The following CACNA1I variants were observed in gnomAD, a reference collection of about 807,000 sequenced individuals.
CACNA1I encodes the protein calcium voltage-gated channel subunit alpha1 I.
CACNA1I carries 74 observed loss-of-function variants against 201.6 expected under a neutral mutation model. The ratio of observed to expected loss-of-function variants is 0.37; its 90% CI spans 0.30 to 0.45. CACNA1I has a LOEUF of 0.45. Ranked by LOEUF, CACNA1I falls within the 20% of genes least tolerant of loss-of-function variation. The probability of loss-of-function intolerance (pLI) is 1.00; values close to 1 mark genes in which losing one functional copy is unlikely to be tolerated. For missense variants in CACNA1I, 2,346 were observed against 3,138.1 expected (o/e 0.75, Z 6.03); for synonymous variants, 1,431 against 1,345.2 (o/e 1.06, Z -1.40).
intron 1 of CACNA1I, among the ~76,000 whole-genome samples, chr22:39,578,912 C>T (rs1932455796): frequency 6.6e-6 from 1 of 152,180 alleles, no homozygotes. Flanking sequence ...TGGGCACCAC[C>T]TGTGATGCCC....
At chr22:39,664,678 G>GGCC in intron 20 of CACNA1I, 61 bp from the exon 21 acceptor site, 4 of 712,234 alleles carry the variant, frequency 5.6e-6, no homozygotes, top group South Asian at 3.2e-5. Flanking sequence ...AGCCCGGTTG[G>GGCC]CCCCGCCCAC....
At chr22:39,598,288 C>CGCCAT in intron 2 of CACNA1I, 26 bp downstream of exon 2, 1 of 1,215,222 alleles carries the variant, frequency 8.2e-7, no homozygotes, top group South Asian at 1.3e-5. Flanking sequence ...CGCCCCGCCC[C>CGCCAT]GCCCTGCCCT....
chr22:39,677,836 C>A lies in CACNA1I; in HGVS notation c.4934-151C>A. The stretch of plus-strand genomic sequence containing the variant: ...AGCCCCAGCTCATGTGCCATCTCCC[C>A]GAGCCTCAGTTTATCTGTGGGCTGG... On this transcript the variant is annotated intron_variant, in intron 30 of 36. Transcript: ENST00000402142. The surrounding 1 kb of genome is among the most constrained non-coding windows in gnomAD (Gnocchi z 4.8). 1 of 841,098 alleles carries A rather than the reference C, an allele frequency of 1.2e-6. No individual in the cohort carries two copies. Among genetic ancestry groups the A allele is most frequent in the Non-Finnish European group, 1.8e-6 (1 of 560,994 alleles). 52.1% of individuals were successfully genotyped at this position (841,098 alleles called of 1,614,324 possible). A position where few individuals can be genotyped will look rare whatever the true frequency, so the allele number is the denominator to read the frequency against.
At chr22:39,675,350 C>T (rs1601524706) in intron 29 of CACNA1I, among the ~76,000 whole-genome samples, 4 of 152,136 alleles carry the variant, frequency 2.6e-5, no homozygotes, top group South Asian at 4.1e-4. Context: ...GTGTGTGGCT[C>T]GGCCTCCCTG....
chr22:39,665,805 C>A lies in CACNA1I; in HGVS notation c.3979-76C>A. The A allele has an allele frequency of 6.3e-7, 1 of 1,594,878 alleles. No individual in the cohort carries two copies. Among genetic ancestry groups the A allele is most frequent in the Non-Finnish European group, 8.6e-7 (1 of 1,165,196 alleles). On this transcript the variant is annotated intron_variant, in intron 22 of 36. Transcript: ENST00000402142. This position sits in a 1 kb window ranked among gnomAD's most constrained non-coding sequence, Gnocchi z 5.5. ...CTGAGCACAAGACAGTCTGAGTAAA[C>A]GCGATCGAGAGGCGAGTTCCTCTCT...
rs1601526652 is a variant in CACNA1I at position 39,677,477 on chromosome 22, T to G, written c.4933+58T>G. ...GGTGCAGCAGGGCTGCAGGAGGAAC[T>G]GGGGGGGCGGGGGAGGCCTGAGACC... On this transcript the variant is annotated intron_variant, in intron 30 of 36. Transcript: ENST00000402142. This position sits in a 1 kb window ranked among gnomAD's most constrained non-coding sequence, Gnocchi z 4.8. 25 of 921,226 alleles carry G rather than the reference T, an allele frequency of 2.7e-5. No homozygotes were observed. The highest frequency in any genetic ancestry group is 3.7e-5 in the Non-Finnish European group (23 of 616,238). 57.1% of individuals were successfully genotyped at this position (921,226 alleles called of 1,614,324 possible).
chr22:39,660,143 C>T (rs1934957766), intron 14 of CACNA1I, among the ~76,000 whole-genome samples: 1 of 152,210 alleles, frequency 6.6e-6, no homozygotes, highest in African/African-American at 2.4e-5. Context: ...CCTCCGTTCT[C>T]TGAGGCTCTG....
chr22:39,615,026 C>T (rs1022045483), intron 3 of CACNA1I, among the ~76,000 whole-genome samples: 11 of 152,180 alleles, frequency 7.2e-5, no homozygotes, highest in South Asian at 2.1e-4. Flanking sequence ...ATTTCTCACT[C>T]CTGTAAGCGA....
chr22:39,604,238 G>C (rs181515228), intron 3 of CACNA1I, among the ~76,000 whole-genome samples: 2 of 152,244 alleles, frequency 1.3e-5, no homozygotes, highest in Middle Eastern at 3.4e-3. Flanking sequence ...TTTCCTGTCT[G>C]CTCATATTTA....
intron 31 of CACNA1I, among the ~76,000 whole-genome samples, chr22:39,678,894 C>T (rs555288457): frequency 2.0e-5 from 3 of 152,260 alleles, no homozygotes; most frequent in Admixed American, 1.3e-4. Context: ...GAGGAGAGGG[C>T]GCTGGGCCAT....
chr22:39,595,157 C>T (rs1292837847), intron 1 of CACNA1I, among the ~76,000 whole-genome samples: 1 of 151,746 alleles, frequency 6.6e-6, no homozygotes, highest in South Asian at 2.1e-4. Context: ...GGCGTGGTGG[C>T]GGGCGCCTGT....
chr22:39,670,125 G>A lies in CACNA1I; in HGVS notation c.4282G>A (p.Gly1428Ser), dbSNP rs1935325063. Residue 1428 changes from glycine (G) to serine (S), a missense_variant, in exon 25 of 37, where the codon GGT becomes AGT. Transcript: ENST00000402142. ...VSFFVLNMFV[G>S]VVVENFHKCR... The stretch of plus-strand genomic sequence containing the variant: ...CTTCTTTGTGCTCAACATGTTTGTG[G>A]GTGTCGTGGTGGAGAACTTCCACAA... The A allele has an allele frequency of 6.2e-7, 1 of 1,613,826 alleles. No homozygotes were observed. Among genetic ancestry groups the A allele is most frequent in the Non-Finnish European group, 8.5e-7 (1 of 1,179,900 alleles).
At chr22:39,656,367 T>A (rs1213517417) in intron 10 of CACNA1I, 1 of 517,988 alleles carries the variant, frequency 1.9e-6, no homozygotes, top group East Asian at 5.4e-5. Flanking sequence ...CTGCACACCC[T>A]TCTCTGCTCC....
In CACNA1I at chr22:39,679,400, C is replaced by G; in HGVS notation, c.5349C>G (p.Gly1783=). 6.8e-7 allele frequency: 1 copy of G among 1,460,740 alleles called. No homozygotes were observed. The highest frequency in any genetic ancestry group is 8.9e-7 in the Non-Finnish European group (1 of 1,117,918). The allele number at this position is 1,460,740 out of a possible 1,614,324, so 90.5% of individuals were successfully genotyped here. ...GGCCGGGAGGGGCGGGCGGCGGGGG[C>G]GACACCGAGGGCGGCTTGTGCCGGC... ...GRGPGGAGGG[G]DTEGGLCRRC... is the part of the protein sequence containing the mutation. The change falls in exon 32 of 37, where the codon GGC becomes GGG. Residue 1783 remains glycine (G), a synonymous_variant. Transcript: ENST00000402142.
Position 39,665,651 on chromosome 22 carries a change from A to C in CACNA1I, c.3978+27A>C, listed in dbSNP as rs887774798. Reference sequence around the variant, plus strand: ...TGAGGGGTGCCCAGTCTGGGCAGGGACTGGGCTCTGTGACTGGGGAAAAGG... The same window carrying C: ...TGAGGGGTGCCCAGTCTGGGCAGGGCCTGGGCTCTGTGACTGGGGAAAAGG... On this transcript the variant is annotated intron_variant, in intron 22 of 36. Transcript: ENST00000402142. The surrounding 1 kb of genome is among the most constrained non-coding windows in gnomAD (Gnocchi z 5.5). The C allele has an allele frequency of 9.3e-6, 15 of 1,607,728 alleles. No homozygotes were observed. The highest frequency in any genetic ancestry group is 1.3e-5 in the African/African-American group (1 of 74,710).
At chr22:39,657,499 C>T (rs572385925) in intron 10 of CACNA1I, among the ~76,000 whole-genome samples, 7 of 152,310 alleles carry the variant, frequency 4.6e-5, no homozygotes, top group Admixed American at 6.5e-5. Flanking sequence ...GGTCCTGAGA[C>T]GGCCATTGCT....
chr22:39,679,963 T>C (rs1935649050), intron 33 of CACNA1I, 95 bp downstream of exon 33: 1 of 1,310,306 alleles, frequency 7.6e-7, no homozygotes, highest in Non-Finnish European at 1.0e-6. Flanking sequence ...CTCTGGGCTG[T>C]AGAGACCAGG....
In CACNA1I at chr22:39,649,201, G is replaced by A. The variant is rs1465785610; in HGVS notation, c.1568-300G>A. On this transcript the variant is annotated intron_variant, in intron 9 of 36. Coordinates refer to ENST00000402142, the MANE Select transcript of CACNA1I (RefSeq NM_021096.4). The surrounding 1 kb of genome is among the most constrained non-coding windows in gnomAD (Gnocchi z 7.3). ...ACCCAGGGCCTAGGCCAGGAGGGAT[G>A]GCCGGTCAGCACGGATGCGCGCCCT... Among the ~76,000 whole-genome samples the A allele has an allele frequency of 1.3e-5, 2 of 152,188 alleles. No homozygotes were observed. Among genetic ancestry groups the A allele is most frequent in the African/African-American group, 4.8e-5 (2 of 41,444 alleles).
At chr22:39,603,725 G>A (rs556630738) in intron 3 of CACNA1I, among the ~76,000 whole-genome samples, 86 of 152,220 alleles carry the variant, frequency 5.6e-4, no homozygotes, top group Middle Eastern at 3.4e-3. Flanking sequence ...GAATGTATAC[G>A]GCAGATTTAT....
Sources: allele counts gnomAD v4.1 joint callset (sites outside exome capture counted in the v4.1 genomes callset), GRCh38; gene constraint gnomAD v4.1.1; non-coding constraint Gnocchi (gnomAD v3.1); transcripts MANE v1.5; gene names NCBI Gene and HGNC (gene_info 2026-07-23, HGNC 2026-07-21).